ZNF746: variants seen among roughly 807,000 people sequenced by gnomAD.
ZNF746 encodes the protein zinc finger protein 746, also known as parkin-interacting substrate.
In ZNF746, 13 loss-of-function variants were observed where a neutral mutation model predicts 41.0. The observed-to-expected ratio is 0.32, with a 90% CI of 0.21 to 0.50. ZNF746 has a LOEUF of 0.50. ZNF746 is among the 20% of genes least tolerant of loss of function. The pLI is 0.98. For synonymous variants in ZNF746, 424 were observed against 396.2 expected (o/e 1.07, Z -0.83); for missense variants, 811 against 922.9 (o/e 0.88, Z 1.57).
chr7:149,474,655 T>C lies in ZNF746; in HGVS notation c.1712A>G (p.Asp571Gly). 1 of 1,613,576 alleles carries C rather than the reference T, an allele frequency of 6.2e-7. No individual in the cohort carries two copies. Among genetic ancestry groups the C allele is most frequent in the Non-Finnish European group, 8.5e-7 (1 of 1,179,824 alleles). The change falls in exon 7 of 7, where the codon GAC (aspartate) becomes GGC (glycine). Residue 571 changes from aspartate (D) to glycine (G), a missense_variant. Asp to Gly is a moderately conservative substitution (Grantham distance 94). Coordinates refer to ENST00000458143, the MANE Select transcript of ZNF746 (RefSeq NM_001394198.1). The surrounding 1 kb of genome is among the most constrained non-coding windows in gnomAD (Gnocchi z 6.3). Reference protein sequence around the residue: ...KRFTERSKLIDHYRTHTGVRP... With the variant: ...KRFTERSKLIGHYRTHTGVRP... ...CACGCCCGTGTGCGTTCGGTAGTGG[T>C]CGATGAGCTTGGAGCGTTCGGTGAA...
At chr7:149,487,734 CAGA>C (rs1422326693) in intron 4 of ZNF746, 2 of 152,178 alleles carry the variant, frequency 1.3e-5, no homozygotes, top group African/African-American at 4.8e-5. Flanking sequence ...AAACAACTAT[CAGA>C]AGAAAACTGT....
chr7:149,492,216 A>G (rs1215063876), intron 4 of ZNF746, among the ~76,000 whole-genome samples: 1 of 152,228 alleles, frequency 6.6e-6, no homozygotes, highest in Non-Finnish European at 1.5e-5. Context: ...AGACAGCTAG[A>G]CCAACCACTC....
chr7:149,488,342 GGATATCTCACT>G (rs1221097474), intron 4 of ZNF746: 9 of 152,018 alleles, frequency 5.9e-5, no homozygotes, highest in African/African-American at 2.2e-4. Context: ...AGGTAAGCAA[GGATATCTCACT>G]ACAGAAAAAG....
In ZNF746 at chr7:149,494,191, G is replaced by T; in HGVS notation, c.324+13C>A. The T allele has an allele frequency of 1.2e-6, 2 of 1,613,724 alleles. No individual in the cohort carries two copies. Among genetic ancestry groups the T allele is most frequent in the Non-Finnish European group, 1.7e-6 (2 of 1,179,702 alleles). ...CGCTTGGGCTCCCACACCCCAAGGC[G>T]TCCCAGGGCTACCTTAGGGGACTCC... On this transcript the variant is annotated intron_variant, in intron 2 of 6. Transcript: ENST00000458143. The surrounding 1 kb of genome is among the most constrained non-coding windows in gnomAD (Gnocchi z 5.6).
At chr7:149,477,293 T>C (rs1056712249) in intron 5 of ZNF746, among the ~76,000 whole-genome samples, 2 of 152,130 alleles carry the variant, frequency 1.3e-5, no homozygotes, top group East Asian at 3.9e-4. Context: ...GTGACTTCAA[T>C]GCCCAATGCT....
chr7:149,487,104 C>T (rs928798610), intron 4 of ZNF746, among the ~76,000 whole-genome samples: 1 of 152,080 alleles, frequency 6.6e-6, no homozygotes, highest in African/African-American at 2.4e-5. Context: ...CAGCGCGAAC[C>T]CTATTGTGAA....
At chr7:149,490,700 A>C (rs1020022815) in intron 4 of ZNF746, 4 of 152,748 alleles carry the variant, frequency 2.6e-5, no homozygotes, top group African/African-American at 9.7e-5. Context: ...CTGTCGTCAC[A>C]GTCACGGATG....
intron 1 of ZNF746, among the ~76,000 whole-genome samples, chr7:149,495,458 C>T (rs1242548320): frequency 6.6e-6 from 1 of 152,202 alleles, no homozygotes; most frequent in South Asian, 2.1e-4. Context: ...TATCAGTGAC[C>T]GGCAGCTGGG....
rs1353144369 is a variant in ZNF746 at position 149,474,898 on chromosome 7, C to G, written c.1469G>C (p.Ser490Thr). ...LQVSLSAHQR[S>T]CGAPDGSGPG... The stretch of plus-strand genomic sequence containing the variant: ...GCCCGACCCGTCGGGCGCCCCACAG[C>G]TGCGCTGGTGCGCGCTCAGGCTGAC... The change falls in exon 7 of 7, where the codon AGC becomes ACC. Residue 490 changes from serine to threonine, a missense_variant. Coordinates refer to ENST00000458143, the MANE Select transcript of ZNF746 (RefSeq NM_001394198.1). The surrounding 1 kb of genome is among the most constrained non-coding windows in gnomAD (Gnocchi z 6.3). 5.2e-6 allele frequency: 8 copies of G among 1,533,704 alleles called. No homozygotes were observed. Among genetic ancestry groups the G allele is most frequent in the Non-Finnish European group, 8.7e-7 (1 of 1,144,568 alleles).
At chr7:149,487,147 T>C (rs1800652841) in intron 4 of ZNF746, among the ~76,000 whole-genome samples, 1 of 152,192 alleles carries the variant, frequency 6.6e-6, no homozygotes, top group Non-Finnish European at 1.5e-5. Flanking sequence ...TCACACTCCC[T>C]TCTTATGAGA....
chr7:149,474,358 G>C lies in ZNF746; in HGVS notation c.*26C>G. On this transcript the variant is annotated 3_prime_UTR_variant, in exon 7 of 7. Transcript: ENST00000458143. The surrounding 1 kb of genome is among the most constrained non-coding windows in gnomAD (Gnocchi z 6.3). ...CACGGGGCTTTTTACACGTGCGGCC[G>C]GCAGGGGCTATGGGGCTGGAGGCGC... 6.3e-7 allele frequency: 1 copy of C among 1,586,406 alleles called. No homozygotes were observed. The highest frequency in any genetic ancestry group is 1.1e-5 in the South Asian group (1 of 87,032).
In ZNF746 at chr7:149,475,274, C is replaced by T. The variant is rs747194831; in HGVS notation, c.1093G>A (p.Ala365Thr). ...QDPVLGLREP[A>T]RPERDMGELS... ...TCACCCATGTCCCTCTCAGGCCGGG[C>T]GGGCTCTCGCAGCCCCAGCACAGGG... Residue 365 changes from alanine (A) to threonine (T), a missense_variant, in exon 7 of 7, where the codon GCC becomes ACC. Transcript: ENST00000458143. 23 of 1,613,116 alleles carry T rather than the reference C, an allele frequency of 1.4e-5. No homozygotes were observed. The highest frequency in any genetic ancestry group is 1.6e-4 in the Middle Eastern group (1 of 6,078).
At position 149,497,070 on chromosome 7, in the gene ZNF746, G is replaced by A. The variant is rs1314092800; in HGVS notation, c.24+443C>T. The A allele has an allele frequency of 2.0e-6, 2 of 985,410 alleles. No individual in the cohort carries two copies. The highest frequency in any genetic ancestry group is 2.4e-6 in the Non-Finnish European group (2 of 829,914). The allele number at this position is 985,410 out of a possible 1,614,324, so 61.0% of individuals were successfully genotyped here. A position where few individuals can be genotyped will look rare whatever the true frequency, so the allele number is the denominator to read the frequency against. Reference sequence around the variant, plus strand: ...CTTCCGCGCCGACCCCGGGAAGCTGGGCACGTAGTGGGAGTCGGTGTATGC... The same window carrying A: ...CTTCCGCGCCGACCCCGGGAAGCTGAGCACGTAGTGGGAGTCGGTGTATGC... On this transcript the variant is annotated intron_variant, in intron 1 of 6. Coordinates refer to ENST00000458143, the MANE Select transcript of ZNF746 (RefSeq NM_001394198.1). The surrounding 1 kb of genome is among the most constrained non-coding windows in gnomAD (Gnocchi z 4.2).
chr7:149,480,493 C>T (rs369356188), intron 4 of ZNF746, among the ~76,000 whole-genome samples: 13 of 152,156 alleles, frequency 8.5e-5, no homozygotes, highest in East Asian at 5.8e-4. Context: ...AGTGCAGTGG[C>T]GCGATCTTGG....
chr7:149,496,177 TGC>T (rs1376355911), intron 1 of ZNF746, among the ~76,000 whole-genome samples: 1 of 152,246 alleles, frequency 6.6e-6, no homozygotes, highest in Non-Finnish European at 1.5e-5. Flanking sequence ...AAGGGACCTC[TGC>T]TAAACTACTT....
At chr7:149,488,045 C>T (rs935279965) in intron 4 of ZNF746, 1 of 152,114 alleles carries the variant, frequency 6.6e-6, no homozygotes, top group African/African-American at 2.4e-5. Context: ...GGTGCAGAGA[C>T]TGACAAAGAG....
Position 149,496,844 on chromosome 7 carries a change from C to A in ZNF746, c.24+669G>T, listed in dbSNP as rs549067999. ...TGCACGATTATTGCCCGCGTACCTG[C>A]CTGCCTGGTCCTTGAACACACAGCC... On this transcript the variant is annotated intron_variant, in intron 1 of 6. Coordinates refer to ENST00000458143, the MANE Select transcript of ZNF746 (RefSeq NM_001394198.1). 973 of 985,420 alleles carry A rather than the reference C, an allele frequency of 9.9e-4. 2 individuals carry two copies. Among genetic ancestry groups the A allele is most frequent in the Non-Finnish European group, 1.1e-3 (927 of 829,926 alleles). 61.0% of individuals were successfully genotyped at this position (985,420 alleles called of 1,614,324 possible). A position where few individuals can be genotyped will look rare whatever the true frequency, so the allele number is the denominator to read the frequency against.
chr7:149,495,334 C>T (rs1562994712), intron 1 of ZNF746, among the ~76,000 whole-genome samples: 1 of 152,184 alleles, frequency 6.6e-6, no homozygotes. Flanking sequence ...AGTGACATAC[C>T]CTGCAGTCTG....
rs1800357648 is a variant in ZNF746 at position 149,477,772 on chromosome 7, G to A, written c.566-17C>T. On this transcript the variant is annotated splice_polypyrimidine_tract_variant and intron_variant, in intron 4 of 6. Coordinates refer to ENST00000458143, the MANE Select transcript of ZNF746 (RefSeq NM_001394198.1). Reference sequence around the variant, plus strand: ...GCCCCGAGCCTAGGAAAGGGAGTGAGTGTGAGGATACAGCATCACGGCCCC... The same window carrying A: ...GCCCCGAGCCTAGGAAAGGGAGTGAATGTGAGGATACAGCATCACGGCCCC... 1 of 1,588,822 alleles carries A rather than the reference G, an allele frequency of 6.3e-7. No homozygotes were observed. Among genetic ancestry groups the A allele is most frequent in the African/African-American group, 1.3e-5 (1 of 74,572 alleles).
Sources: allele counts gnomAD v4.1 joint callset (sites outside exome capture counted in the v4.1 genomes callset), GRCh38; gene constraint gnomAD v4.1.1; non-coding constraint Gnocchi (gnomAD v3.1); transcripts MANE v1.5; gene names NCBI Gene and HGNC (gene_info 2026-07-23, HGNC 2026-07-21).